SIGLEC1: variants seen among roughly 807,000 people sequenced by gnomAD.
The protein encoded by SIGLEC1 is sialoadhesin.
Under a neutral mutation model 148.0 loss-of-function variants are expected in SIGLEC1, and 132 were observed. The observed-to-expected ratio is 0.89, with a 90% CI of 0.77 to 1.03. SIGLEC1 has a LOEUF of 1.03. SIGLEC1 is among the 50% of genes least tolerant of loss of function. The pLI, the probability that SIGLEC1 is intolerant of heterozygous loss-of-function variation, is 0.00. For missense variants in SIGLEC1, 2,253 were observed against 2,271.4 expected, an observed-to-expected ratio of 0.99 and a Z score of 0.16; for synonymous variants, 945 against 969.0, an observed-to-expected ratio of 0.98 and a Z score of 0.46.
chr20:3,711,395 G>C (rs2087927910), intron 1 of SIGLEC1, among the ~76,000 whole-genome samples: 2 of 152,182 alleles, frequency 1.3e-5, no homozygotes, highest in Admixed American at 1.3e-4. Flanking sequence ...GTTGGCTGGG[G>C]CCCCAAGTCC....
rs767615639 is a variant in SIGLEC1, at chr20:3,703,196, C to T, written c.1228+1G>A. 2.2e-5 allele frequency: 36 copies of T among 1,613,758 alleles called. No homozygotes were observed. The highest frequency in any genetic ancestry group is 1.9e-4 in the African/African-American group (14 of 74,876). ...AGTGCCACCCCACCCTGGCCTCTTA[C>T]GGTTGACTACCACGCTGACAGGGCC... On this transcript the variant is annotated splice_donor_variant, in intron 6 of 21. Transcript: ENST00000344754. LOFTEE classifies it high-confidence loss of function.
intron 8 of SIGLEC1, 98 bp from the exon 9 acceptor site, chr20:3,698,231 C>G (rs1447932381): frequency 1.8e-6 from 2 of 1,100,922 alleles, no homozygotes. Flanking sequence ...AGGCAGATCC[C>G]GAAGGCTGCC....
chr20:3,697,457 G>C, intron 9 of SIGLEC1, 115 bp from the exon 10 acceptor site: 1 of 1,338,268 alleles, frequency 7.5e-7, no homozygotes, highest in Non-Finnish European at 1.0e-6. Context: ...CACAGGGTTG[G>C]GGAGAAAAGC....
chr20:3,707,402 A>C (rs1312273536), intron 1 of SIGLEC1, among the ~76,000 whole-genome samples, 165 bp from the exon 2 acceptor site: 1 of 152,154 alleles, frequency 6.6e-6, no homozygotes, highest in African/African-American at 2.4e-5. Flanking sequence ...GCCTCAGAAA[A>C]GCCTGTGTGT....
chr20:3,700,712 T>C (rs2087844343), intron 7 of SIGLEC1, among the ~76,000 whole-genome samples: 1 of 148,448 alleles, frequency 6.7e-6, no homozygotes, highest in Non-Finnish European at 1.5e-5. Flanking sequence ...TTTTTTTTTT[T>C]TTTTTGAGAC....
At chr20:3,693,358 C>T in intron 14 of SIGLEC1, 89 bp downstream of exon 14, 4 of 1,436,318 alleles carry the variant, frequency 2.8e-6, no homozygotes, top group Non-Finnish European at 3.7e-6. Context: ...GAGTTCCCCA[C>T]TGGACACCTG....
At chr20:3,694,153 A>T in intron 13 of SIGLEC1, 68 bp downstream of exon 13, 37 of 1,461,690 alleles carry the variant, frequency 2.5e-5, no homozygotes, top group Non-Finnish European at 3.3e-5. Flanking sequence ...ACCCTGTCCC[A>T]CCTCCTCTCC....
rs779677346 is a variant in SIGLEC1 at position 3,701,396 on chromosome 20, A to G, written c.1474T>C (p.Ser492Pro). 2.9e-5 allele frequency: 47 copies of G among 1,613,854 alleles called. No homozygotes were observed. Among genetic ancestry groups the G allele is most frequent in the Non-Finnish European group, 3.8e-5 (45 of 1,179,892 alleles). ...GCATTTCCAAGGGAGTTGGTGGCTG[A>G]GCACTTGTACTCCCCACTGTCAGTT... is the stretch of plus-strand genomic sequence containing the variant. The part of the protein sequence containing the change: ...EETDSGEYKC[S>P]ATNSLGNATS... The change falls in exon 7 of 22, where the codon TCA (serine) becomes CCA (proline). Residue 492 changes from serine to proline, a missense_variant. By Grantham distance (74) the Ser-to-Pro change is moderately conservative. Coordinates refer to ENST00000344754, the MANE Select transcript of SIGLEC1 (RefSeq NM_023068.4).
chr20:3,706,130 G>T, intron 3 of SIGLEC1, 90 bp from the exon 4 acceptor site: 2 of 1,422,650 alleles, frequency 1.4e-6, no homozygotes, highest in Non-Finnish European at 1.9e-6. Context: ...GAGAGCCCTG[G>T]GGAGGGGGCT....
At chr20:3,693,909 T>C (rs573639365) in intron 13 of SIGLEC1, among the ~76,000 whole-genome samples, 1 of 152,066 alleles carries the variant, frequency 6.6e-6, no homozygotes, top group African/African-American at 2.4e-5. Flanking sequence ...TTCCACAGAG[T>C]CCTGGAAAGC....
Position 3,707,210 on chromosome 20 carries a change from C to G in SIGLEC1, c.-82G>C. ...GGGCTCACAGGGGCCTCCAGGGACA[C>G]CTCTGGGCACTTTAGCCCCAGCACC... is the stretch of plus-strand genomic sequence containing the variant. On this transcript the variant is annotated 5_prime_UTR_variant, in exon 2 of 22. Transcript: ENST00000344754. 1 of 1,297,462 alleles carries G rather than the reference C, an allele frequency of 7.7e-7. No homozygotes were observed. Among genetic ancestry groups the G allele is most frequent in the Non-Finnish European group, 1.1e-6 (1 of 901,654 alleles). The allele number at this position is 1,297,462 out of a possible 1,614,324, so 80.4% of individuals were successfully genotyped here.
intron 1 of SIGLEC1, among the ~76,000 whole-genome samples, chr20:3,712,237 G>T (rs868510997): frequency 6.6e-6 from 1 of 152,054 alleles, no homozygotes; most frequent in Non-Finnish European, 1.5e-5. Flanking sequence ...CAGGGTGATG[G>T]TCGGGACTGG....
In SIGLEC1 at chr20:3,704,057, G is replaced by A; in HGVS notation, c.741C>T (p.Pro247=). Residue 247 remains proline, a synonymous_variant, in exon 5 of 22, where the codon CCC becomes CCT. Transcript: ENST00000344754. The stretch of plus-strand genomic sequence containing the variant: ...CACCTGGAAGGATGTTCCTCCCCGA[G>A]GGGCTGAGGAGGATCTTCACACCCT... ...APKGVKILLS[P]SGRNILPGEL... is the part of the protein sequence containing the mutation. The A allele has an allele frequency of 6.2e-7, 1 of 1,613,568 alleles. No individual in the cohort carries two copies. Among genetic ancestry groups the A allele is most frequent in the Non-Finnish European group, 8.5e-7 (1 of 1,179,880 alleles).
Position 3,710,414 on chromosome 20 carries a change from T to A in SIGLEC1, c.-110+2056A>T, listed in dbSNP as rs1309571796. ...CCTCTCGCAGGCTGCTGGAGTGGAC[T>A]GATCTGGCCATTTATGGAGGCCCAA... On this transcript the variant is annotated intron_variant, in intron 1 of 21. Transcript: ENST00000344754. This position sits in a 1 kb window ranked among gnomAD's most constrained non-coding sequence, Gnocchi z 4.6. Among the ~76,000 whole-genome samples, 1 of 152,220 alleles carries A rather than the reference T, an allele frequency of 6.6e-6. No homozygotes were observed. Among genetic ancestry groups the A allele is most frequent in the African/African-American group, 2.4e-5 (1 of 41,450 alleles).
At chr20:3,702,895 C>G (rs957034388) in intron 6 of SIGLEC1, among the ~76,000 whole-genome samples, 5 of 151,980 alleles carry the variant, frequency 3.3e-5, no homozygotes, top group African/African-American at 9.7e-5. Flanking sequence ...GTGTAGACAG[C>G]GAGAAAGATT....
At chr20:3,705,719 A>C in intron 4 of SIGLEC1, 25 bp downstream of exon 4, 1 of 1,582,880 alleles carries the variant, frequency 6.3e-7, no homozygotes, top group Non-Finnish European at 8.6e-7. Context: ...GCTCAGCCAC[A>C]AGGGTGTGTC....
Position 3,694,701 on chromosome 20 carries a change from G to A in SIGLEC1, c.2906C>T (p.Thr969Ile), listed in dbSNP as rs376573372. 2 of 1,613,862 alleles carry A rather than the reference G, an allele frequency of 1.2e-6. No individual in the cohort carries two copies. Among genetic ancestry groups the A allele is most frequent in the Non-Finnish European group, 1.7e-6 (2 of 1,180,002 alleles). Residue 969 changes from threonine (T) to isoleucine (I), a missense_variant, in exon 12 of 22, where the codon ACC becomes ATC. Transcript: ENST00000344754. ...GCTGATGGGTGCAGCTAGGCTCGTG[G>A]TGGCTGAGCCTGGGGCCTGGGCTTG... is the stretch of plus-strand genomic sequence containing the variant. ...HCQAQAPGSA[T>I]TSLAAPISLH...
chr20:3,689,323 G>A lies in SIGLEC1; in HGVS notation c.4998-96C>T, dbSNP rs894299788. Reference sequence around the variant, plus strand: ...CCCACAGGCTGGCTCCAGACCACAAGAGCGTGGGAACCTCATGGAGAGTGG... The same window carrying A: ...CCCACAGGCTGGCTCCAGACCACAAAAGCGTGGGAACCTCATGGAGAGTGG... On this transcript the variant is annotated intron_variant, in intron 20 of 21. Coordinates refer to ENST00000344754, the MANE Select transcript of SIGLEC1 (RefSeq NM_023068.4). 4 of 1,092,820 alleles carry A rather than the reference G, an allele frequency of 3.7e-6. No homozygotes were observed. In the Admixed American group the frequency reaches 5.1e-5, roughly 14 times the overall value. 67.7% of individuals were successfully genotyped at this position (1,092,820 alleles called of 1,614,324 possible).
chr20:3,689,289 C>T, intron 20 of SIGLEC1, 62 bp from the exon 21 acceptor site: 3 of 1,408,134 alleles, frequency 2.1e-6, no homozygotes, highest in South Asian at 1.2e-5. Context: ...CCCCATTCCT[C>T]TCCCGCTCCC....
Sources: allele counts gnomAD v4.1 joint callset (sites outside exome capture counted in the v4.1 genomes callset), GRCh38; gene constraint gnomAD v4.1.1; non-coding constraint Gnocchi (gnomAD v3.1); transcripts MANE v1.5; gene names NCBI Gene and HGNC (gene_info 2026-07-23, HGNC 2026-07-21).